Variants in OSBPL1A observed in about 807,000 individuals in gnomAD.
OSBPL1A encodes oxysterol binding protein like 1A.
A neutral mutation model predicts 137.1 loss-of-function variants in OSBPL1A; 80 were observed. That is an observed-to-expected ratio of 0.58 (90% CI 0.49 to 0.70). The LOEUF (loss-of-function observed/expected upper bound fraction) is 0.70, where lower values mean the gene tolerates loss of function less well. Ranked by LOEUF, OSBPL1A falls within the 30% of genes least tolerant of loss-of-function variation. The pLI, the probability that OSBPL1A is intolerant of heterozygous loss-of-function variation, is 0.00. For synonymous variants in OSBPL1A, 365 were observed against 389.7 expected (o/e 0.94, Z 0.75); for missense variants, 970 against 1,129.4 (o/e 0.86, Z 2.02).
chr18:24,324,011 C>A, intron 7 of OSBPL1A, among the ~76,000 whole-genome samples: 1 of 69,456 alleles, frequency 1.4e-5, no homozygotes, highest in African/African-American at 8.4e-5. Context: ...AATAAACATA[C>A]GTGTGCATGT....
intron 2 of OSBPL1A, among the ~76,000 whole-genome samples, chr18:24,376,341 A>C (rs561592439): frequency 2.6e-5 from 4 of 152,362 alleles, no homozygotes; most frequent in African/African-American, 9.6e-5. Context: ...CAGAGTAGCT[A>C]GATACAGAGT....
chr18:24,218,459 T>G lies in OSBPL1A; in HGVS notation c.1601+6583A>C, dbSNP rs996448656. 2.4e-4 allele frequency: 37 copies of G among 152,234 alleles called. 1 individual carries two copies. The highest frequency in any genetic ancestry group is 3.2e-3 in the Middle Eastern group (1 of 316). 9.4% of individuals were successfully genotyped at this position (152,234 alleles called of 1,614,324 possible). A position where few individuals can be genotyped will look rare whatever the true frequency, so the allele number is the denominator to read the frequency against. ...ACAACATGGTTTTTGTTTTGTTTTT[T>G]TTGAGATGGAGTCTCGCTCCGTCAC... On this transcript the variant is annotated intron_variant, in intron 17 of 27. Transcript: ENST00000319481.
intron 15 of OSBPL1A, among the ~76,000 whole-genome samples, 158 bp from the exon 16 acceptor site, chr18:24,239,540 T>C (rs1172482711): frequency 6.6e-6 from 1 of 152,184 alleles, no homozygotes; most frequent in Non-Finnish European, 1.5e-5. Flanking sequence ...AGCAAAATTA[T>C]TAAACTAATT....
chr18:24,234,296 G>A (rs565123683), intron 16 of OSBPL1A, among the ~76,000 whole-genome samples: 5 of 152,110 alleles, frequency 3.3e-5, no homozygotes, highest in Non-Finnish European at 7.4e-5. Context: ...AGCTATATCC[G>A]AAATTTCACT....
At chr18:24,341,746 C>T in intron 4 of OSBPL1A, 88 bp from the exon 5 acceptor site, 1 of 764,862 alleles carries the variant, frequency 1.3e-6, no homozygotes, top group Non-Finnish European at 2.1e-6. Flanking sequence ...ACTACAGAGT[C>T]TCCACAATAG....
chr18:24,327,358 A>T (rs1038897518), intron 7 of OSBPL1A, among the ~76,000 whole-genome samples: 1 of 152,122 alleles, frequency 6.6e-6, no homozygotes, highest in Non-Finnish European at 1.5e-5. Flanking sequence ...ATGGCCTGCC[A>T]AAGTGCTGGG....
chr18:24,232,927 T>C (rs1369988936), intron 16 of OSBPL1A, among the ~76,000 whole-genome samples: 3 of 152,218 alleles, frequency 2.0e-5, no homozygotes, highest in Admixed American at 6.5e-5. Context: ...TAACTATCTA[T>C]TGGTTTTGCC....
intron 4 of OSBPL1A, among the ~76,000 whole-genome samples, chr18:24,347,328 C>T (rs757485146): frequency 1.3e-5 from 2 of 152,090 alleles, no homozygotes; most frequent in South Asian, 4.2e-4. Context: ...GGATTACAGG[C>T]GCCCGCCACC....
chr18:24,307,806 G>A (rs2146107290), intron 13 of OSBPL1A, among the ~76,000 whole-genome samples: 1 of 152,264 alleles, frequency 6.6e-6, no homozygotes, highest in South Asian at 2.1e-4. Context: ...GTTTTTGAGA[G>A]AGGCTGGCTC....
At chr18:24,351,665 G>A (rs368170071) in intron 4 of OSBPL1A, among the ~76,000 whole-genome samples, 3 of 152,202 alleles carry the variant, frequency 2.0e-5, no homozygotes, top group East Asian at 3.9e-4. Flanking sequence ...CCAGCCTCCT[G>A]AGTAGCGGGG....
chr18:24,189,634 C>T (rs1290160516), intron 18 of OSBPL1A, among the ~76,000 whole-genome samples: 4 of 152,228 alleles, frequency 2.6e-5, no homozygotes, highest in Non-Finnish European at 5.9e-5. Context: ...GTCTTTCTTT[C>T]CCCATCTCAT....
At chr18:24,386,602 G>A (rs772915219) in intron 1 of OSBPL1A, among the ~76,000 whole-genome samples, 4 of 152,152 alleles carry the variant, frequency 2.6e-5, no homozygotes, top group Non-Finnish European at 5.9e-5. Context: ...CTTTAGAAAG[G>A]AATGGCAGGG....
chr18:24,197,238 T>C (rs977934220), intron 17 of OSBPL1A, among the ~76,000 whole-genome samples: 1 of 152,104 alleles, frequency 6.6e-6, no homozygotes, highest in Admixed American at 6.6e-5. Flanking sequence ...TCCCAGCTAC[T>C]CAGGAGGCTG....
At chr18:24,218,246 A>G (rs1306856231) in intron 17 of OSBPL1A, 1 of 152,206 alleles carries the variant, frequency 6.6e-6, no homozygotes, top group Non-Finnish European at 1.5e-5. Flanking sequence ...TAGAAGCAAA[A>G]AAGACTCCCA....
Position 24,175,135 on chromosome 18 carries a change from T to TATATATAC in OSBPL1A, c.2094-2653_2094-2652insGTATATAT, listed in dbSNP as rs1323687106. 1.0e-4 allele frequency among the ~76,000 whole-genome samples: 10 copies of TATATATAC among 96,642 alleles called. 1 individual carries two copies. Among genetic ancestry groups the TATATATAC allele is most frequent in the African/African-American group, 4.6e-4 (10 of 21,866 alleles). The allele number at this position is 96,642 out of a possible 152,430, so 63.4% of individuals were successfully genotyped here. ...ATATATATATATATATATATATATATACACATATATATATATATATGAAGT... is the reference window on the plus strand; with the variant it reads ...ATATATATATATATATATATATATATATATATACACACATATATATATATATATGAAGT... On this transcript the variant is annotated intron_variant, in intron 21 of 27. Transcript: ENST00000319481.
chr18:24,317,688 T>C (rs2090762318), intron 9 of OSBPL1A, among the ~76,000 whole-genome samples: 1 of 152,202 alleles, frequency 6.6e-6, no homozygotes, highest in African/African-American at 2.4e-5. Context: ...AATATACCAG[T>C]TGTGGGCTTC....
chr18:24,285,996 C>T (rs1207598246), intron 14 of OSBPL1A, among the ~76,000 whole-genome samples: 1 of 151,902 alleles, frequency 6.6e-6, no homozygotes, highest in South Asian at 2.1e-4. Context: ...ATCTCCACTA[C>T]AAATACAAAA....
At chr18:24,205,465 T>C (rs2087341538) in intron 17 of OSBPL1A, among the ~76,000 whole-genome samples, 2 of 152,226 alleles carry the variant, frequency 1.3e-5, no homozygotes, top group Non-Finnish European at 2.9e-5. Flanking sequence ...GTATTGTTAA[T>C]GAAAATTCTG....
At chr18:24,347,330 C>A (rs1440558385) in intron 4 of OSBPL1A, among the ~76,000 whole-genome samples, 2 of 152,004 alleles carry the variant, frequency 1.3e-5, no homozygotes, top group Non-Finnish European at 2.9e-5. Context: ...ATTACAGGCG[C>A]CCGCCACCAC....
Sources: allele counts gnomAD v4.1 joint callset (sites outside exome capture counted in the v4.1 genomes callset), GRCh38; gene constraint gnomAD v4.1.1; transcripts MANE v1.5; gene names NCBI Gene and HGNC (gene_info 2026-07-23, HGNC 2026-07-21).